Variants in ADGRG4 observed in about 807,000 individuals in gnomAD.
ADGRG4 encodes the protein adhesion G protein-coupled receptor G4.
A neutral mutation model predicts 126.2 loss-of-function variants in ADGRG4; 122 were observed. The observed-to-expected ratio is 0.97, with a 90% CI of 0.83 to 1.12. ADGRG4 has a LOEUF of 1.12. Ranked by LOEUF, ADGRG4 falls within the 50% of genes most tolerant of loss-of-function variation. The probability of loss-of-function intolerance (pLI) is 0.00; values close to 1 mark genes in which losing one functional copy is unlikely to be tolerated. For synonymous variants in ADGRG4, 943 were observed against 838.7 expected (o/e 1.12, Z -2.15); for missense variants, 2,481 against 2,251.8 (o/e 1.10, Z -2.06).
At chrX:136,371,616 T>C (rs754945723) in intron 14 of ADGRG4, 72 bp downstream of exon 14, 117 of 547,707 alleles carry the variant, frequency 2.1e-4, no homozygotes, top group Non-Finnish European at 5.1e-5. Context: ...TCTGTATCTG[T>C]GCATTCTGCA....
chrX:136,354,428 G>A (rs748080720), intron 8 of ADGRG4, among the ~76,000 whole-genome samples: 52 of 111,123 alleles, frequency 4.7e-4, no homozygotes, highest in Non-Finnish European at 8.9e-4. Flanking sequence ...TCTTATAAGG[G>A]TACTGTTTCA....
In ADGRG4 at chrX:136,376,689, TATTG is replaced by T. The variant is rs2075228215; in HGVS notation, c.7776+3626_7776+3629del. Among the ~76,000 whole-genome samples, 3 of 110,070 alleles carry T rather than the reference TATTG, an allele frequency of 2.7e-5. No individual in the cohort carries two copies. In the South Asian group the frequency reaches 1.2e-3, roughly 43 times the overall value. On this transcript the variant is annotated intron_variant, in intron 15 of 25. Coordinates refer to ENST00000394143, the MANE Select transcript of ADGRG4 (RefSeq NM_153834.4). ...TATTGTATTGTATTGTATTGTATTG[TATTG>T]TATTGTATTTTGCAGCTGTTGTAAA...
rs1048351915 is a variant in ADGRG4 at position 136,391,143 on chromosome X, T to C, written c.7912-1089T>C. 8.7e-4 allele frequency among the ~76,000 whole-genome samples: 97 copies of C among 111,559 alleles called. 2 individuals carry two copies. The highest frequency in any genetic ancestry group is 8.6e-4 in the Admixed American group (9 of 10,519). On this transcript the variant is annotated intron_variant, in intron 16 of 25. Coordinates refer to ENST00000394143, the MANE Select transcript of ADGRG4 (RefSeq NM_153834.4). ...GGGCTCAGGTGTGTAGGGTAGGTAG[T>C]AGGGACTGCACACTGTTTCTTCAGA...
chrX:136,399,706 A>G (rs1254307076), intron 20 of ADGRG4, 142 bp from the exon 21 acceptor site: 1 of 487,794 alleles, frequency 2.1e-6, no homozygotes, highest in East Asian at 3.7e-5. Context: ...TTTACCTGGA[A>G]AGAGAATGAG....
intron 5 of ADGRG4, among the ~76,000 whole-genome samples, chrX:136,324,251 C>G (rs1291971102): frequency 9.0e-6 from 1 of 111,720 alleles, no homozygotes; most frequent in Non-Finnish European, 1.9e-5. Flanking sequence ...CCCCTTCTTA[C>G]CATACTTTCA....
Position 136,323,289 on chromosome X carries a change from C to A in ADGRG4, c.582C>A (p.Asn194Lys), listed in dbSNP as rs1194411320. The stretch of plus-strand genomic sequence containing the variant: ...AACTCTGGGACCACATCCTGGAAAA[C>A]GAAGAGTTTATGAAGTGTTTAGATG... Reference protein sequence around the residue: ...YFQLWDHILENEEFMKCLDGN... With the variant: ...YFQLWDHILEKEEFMKCLDGN... The change falls in exon 5 of 26, where the codon AAC becomes AAA. Residue 194 changes from asparagine (N) to lysine (K), a missense_variant. Physicochemically the swap from Asn to Lys is moderately conservative, Grantham distance 94 (BLOSUM62 0). Coordinates refer to ENST00000394143, the MANE Select transcript of ADGRG4 (RefSeq NM_153834.4). 3 of 1,208,705 alleles carry A rather than the reference C, an allele frequency of 2.5e-6. No individual in the cohort carries two copies. The highest frequency in any genetic ancestry group is 3.5e-5 in the African/African-American group (2 of 56,848).
chrX:136,337,142 A>G lies in ADGRG4; in HGVS notation c.686-7250A>G, dbSNP rs189708812. Among the ~76,000 whole-genome samples the G allele has an allele frequency of 8.5e-3, 942 of 111,027 alleles. 3 individuals carry two copies. Among genetic ancestry groups the G allele is most frequent in the Non-Finnish European group, 0.012 (627 of 52,929 alleles). ...ACCACGCCCAGTTATTTTTAAAAAA[A>G]TTTTTTGATAGAGATAGGGTCTCAC... On this transcript the variant is annotated intron_variant, in intron 5 of 25. Coordinates refer to ENST00000394143, the MANE Select transcript of ADGRG4 (RefSeq NM_153834.4).
At chrX:136,382,605 T>C (rs2075269899) in intron 15 of ADGRG4, among the ~76,000 whole-genome samples, 1 of 111,816 alleles carries the variant, frequency 8.9e-6, no homozygotes, top group African/African-American at 3.3e-5. Context: ...CCTGCCTGGA[T>C]TGGGCTGTTG....
At chrX:136,394,004 TGAG>T (rs2075333793) in intron 18 of ADGRG4, among the ~76,000 whole-genome samples, 1 of 111,739 alleles carries the variant, frequency 8.9e-6, no homozygotes, top group Non-Finnish European at 1.9e-5. Context: ...TGAAGAAAGT[TGAG>T]GAAGGAATAC....
chrX:136,397,766 A>G, intron 19 of ADGRG4, 115 bp from the exon 20 acceptor site: 1 of 699,080 alleles, frequency 1.4e-6, no homozygotes, highest in Non-Finnish European at 2.2e-6. Context: ...GTTTTAGAAG[A>G]GCTATGGCAG....
At chrX:136,380,640 TTCTTCTTCTTCC>T (rs1276838874) in intron 15 of ADGRG4, among the ~76,000 whole-genome samples, 16 of 86,062 alleles carry the variant, frequency 1.9e-4, no homozygotes, top group African/African-American at 6.2e-4. Context: ...CTTCTTCTTC[TTCTTCTTCTTCC>T]TCCTCCTCCT....
rs1363444561 is a variant in ADGRG4, at chrX:136,304,459, C to A, written c.-179+252C>A. ...AGAAGCAACTATTCTTACCAGGGTCCTTTTCCAGAGATATTTGATGACATA... is the reference window on the plus strand; with the variant it reads ...AGAAGCAACTATTCTTACCAGGGTCATTTTCCAGAGATATTTGATGACATA... On this transcript the variant is annotated intron_variant, in intron 2 of 25. Coordinates refer to ENST00000394143, the MANE Select transcript of ADGRG4 (RefSeq NM_153834.4). Among the ~76,000 whole-genome samples the A allele has an allele frequency of 5.3e-5, 6 of 112,294 alleles. No homozygotes were observed. The East Asian group carries it at 1.1e-3, about 21-fold the overall frequency.
Position 136,344,726 on chromosome X carries a change from G to GA in ADGRG4, c.1027dup (p.Thr343AsnfsTer16). 1.2e-5 allele frequency: 15 copies of GA among 1,207,439 alleles called. No individual in the cohort carries two copies. Among genetic ancestry groups the GA allele is most frequent in the African/African-American group, 1.7e-5 (1 of 57,426 alleles). ...CCATAGACAATACTACCAATTCCAT[G>GA]AAAAAAACGAAATCTCCATCTTCAG... On this transcript the variant is annotated frameshift_variant, in exon 6 of 26. Transcript: ENST00000394143. LOFTEE classifies it high-confidence loss of function.
At chrX:136,367,541 T>C (rs2075166875) in intron 13 of ADGRG4, among the ~76,000 whole-genome samples, 1 of 112,206 alleles carries the variant, frequency 8.9e-6, no homozygotes. Flanking sequence ...TTGGGATTTT[T>C]AGAAAATTGA....
rs771109234 is a variant in ADGRG4, at chrX:136,387,727, C to T, written c.7777-13C>T. 8.3e-7 allele frequency: 1 copy of T among 1,199,447 alleles called. No individual in the cohort carries two copies. The highest frequency in any genetic ancestry group is 2.3e-4 in the Middle Eastern group (1 of 4,285). On this transcript the variant is annotated splice_polypyrimidine_tract_variant and intron_variant, in intron 15 of 25. Transcript: ENST00000394143. ...GAAGACTCCAATTTTCATTTTTTGG[C>T]TTTTCTTGGCAGATTTTCCTAGGCA...
intron 21 of ADGRG4, among the ~76,000 whole-genome samples, chrX:136,402,267 A>G (rs1439360593): frequency 8.9e-6 from 1 of 112,348 alleles, no homozygotes; most frequent in Non-Finnish European, 1.9e-5. Flanking sequence ...TATTTTTAAA[A>G]TAACAACAGA....
At chrX:136,313,308 C>T (rs932490016) in intron 4 of ADGRG4, among the ~76,000 whole-genome samples, 3 of 112,115 alleles carry the variant, frequency 2.7e-5, no homozygotes, top group African/African-American at 9.7e-5. Context: ...CACATCCTCA[C>T]CAACACTTGT....
rs1218907343 is a variant in ADGRG4 at position 136,361,554 on chromosome X, T to C, written c.7244T>C (p.Ile2415Thr). Residue 2415 changes from isoleucine (I) to threonine (T), a missense_variant, in exon 12 of 26, where the codon ATA (isoleucine) becomes ACA (threonine). Coordinates refer to ENST00000394143, the MANE Select transcript of ADGRG4 (RefSeq NM_153834.4). ...ACGGAGACAGCCCAAACCAGATGCA[T>C]AAAAAATGAGGATGGAAATGCCACA... is the stretch of plus-strand genomic sequence containing the variant. ...NPTETAQTRC[I>T]KNEDGNATRF... is the part of the protein sequence containing the mutation. The C allele has an allele frequency of 8.4e-7, 1 of 1,187,986 alleles. No homozygotes were observed. Among genetic ancestry groups the C allele is most frequent in the Admixed American group, 2.2e-5 (1 of 45,138 alleles).
intron 5 of ADGRG4, among the ~76,000 whole-genome samples, chrX:136,340,954 A>G (rs942400501): frequency 8.9e-6 from 1 of 112,298 alleles, no homozygotes; most frequent in African/African-American, 3.2e-5. Flanking sequence ...GAAAGATTTA[A>G]TGGAAGGTTT....
Sources: allele counts gnomAD v4.1 joint callset (sites outside exome capture counted in the v4.1 genomes callset), GRCh38; gene constraint gnomAD v4.1.1; transcripts MANE v1.5; gene names NCBI Gene and HGNC (gene_info 2026-07-23, HGNC 2026-07-21).